The following DMD variants were observed in gnomAD, a reference collection of about 807,000 sequenced individuals.
DMD encodes the protein dystrophin, also known as mutant dystrophin.
DMD carries 63 observed loss-of-function variants against 330.1 expected under a neutral mutation model. The ratio of observed to expected loss-of-function variants is 0.19; its 90% CI spans 0.16 to 0.24. DMD has a LOEUF of 0.24. Among genes scored for constraint, DMD ranks in the 10% least tolerant of loss-of-function variants. The pLI, the probability that DMD is intolerant of heterozygous loss-of-function variation, is 1.00. For missense variants in DMD, 3,344 were observed against 2,684.1 expected (o/e 1.25, Z -5.43); for synonymous variants, 1,223 against 959.8 (o/e 1.27, Z -5.07).
chrX:31,124,225 C>T (rs973769984), intron 78 of DMD, among the ~76,000 whole-genome samples: 1 of 112,113 alleles, frequency 8.9e-6, no homozygotes, highest in Non-Finnish European at 1.9e-5. Context: ...TTTAGAGTCA[C>T]CTCATCATCT....
intron 7 of DMD, among the ~76,000 whole-genome samples, chrX:32,703,463 T>G (rs2064320285): frequency 8.9e-6 from 1 of 111,950 alleles, no homozygotes; most frequent in Admixed American, 9.5e-5. Flanking sequence ...AAGAATTTAC[T>G]TAGAAGGAAA....
chrX:32,500,311 T>C (rs2148682033), intron 19 of DMD, among the ~76,000 whole-genome samples: 1 of 111,996 alleles, frequency 8.9e-6, no homozygotes, highest in East Asian at 2.8e-4. Context: ...CTGACTTTTC[T>C]ACATGCCTCC....
intron 6 of DMD, among the ~76,000 whole-genome samples, chrX:32,815,536 C>CACACACAT (rs1381030960): frequency 5.5e-4 from 53 of 97,065 alleles, no homozygotes; most frequent in Non-Finnish European, 7.2e-4. Flanking sequence ...CACACACACA[C>CACACACAT]ATATATATAC....
chrX:32,328,692 A>C (rs1377503893), intron 41 of DMD, among the ~76,000 whole-genome samples: 1 of 109,494 alleles, frequency 9.1e-6, no homozygotes, highest in East Asian at 2.8e-4. Flanking sequence ...AACATTACAA[A>C]AAAAAAAAAC....
intron 62 of DMD, among the ~76,000 whole-genome samples, chrX:31,282,444 G>T (rs759356583): frequency 9.1e-6 from 1 of 110,353 alleles, no homozygotes; most frequent in Non-Finnish European, 1.9e-5. Context: ...TGCTATAAAT[G>T]AACACTTTAC....
intron 42 of DMD, among the ~76,000 whole-genome samples, chrX:32,290,068 C>T (rs1443732318): frequency 8.9e-6 from 1 of 111,776 alleles, no homozygotes; most frequent in Non-Finnish European, 1.9e-5. Flanking sequence ...CTTCATAGTC[C>T]ACAACACTTC....
intron 55 of DMD, among the ~76,000 whole-genome samples, chrX:31,613,037 G>A (rs2078009688): frequency 8.9e-6 from 1 of 112,145 alleles, no homozygotes. Flanking sequence ...AGGAGAGAAA[G>A]GGTATTCTGA....
chrX:31,351,746 C>CAAAAAAAAAAAAAAAAAAAAAAAAA (rs1300313892), intron 60 of DMD, among the ~76,000 whole-genome samples: 6 of 71,550 alleles, frequency 8.4e-5, no homozygotes, highest in African/African-American at 3.4e-4. Flanking sequence ...AAAAAAAAAG[C>CAAAAAAAAAAAAAAAAAAAAAAAAA]AAAAAAGGAG....
chrX:31,890,370 AAG>A lies in DMD; in HGVS notation c.6913-14999_6913-14998del, dbSNP rs1556975981. On this transcript the variant is annotated intron_variant, in intron 47 of 78. Transcript: ENST00000357033. ...TCAAAAAAAACAAAACAAAAAAAAAAAGAAGAAGAAAGAAAGAAAGAAAAAAG... is the reference window on the plus strand; with the variant it reads ...TCAAAAAAAACAAAACAAAAAAAAAAAAGAAGAAAGAAAGAAAGAAAAAAG... Among the ~76,000 whole-genome samples the A allele has an allele frequency of 4.4e-4, 47 of 106,319 alleles. 1 individual carries two copies. The highest frequency in any genetic ancestry group is 2.7e-3 in the Admixed American group (26 of 9,684). 92.3% of individuals were successfully genotyped at this position (106,319 alleles called of 115,157 possible). A position where few individuals can be genotyped will look rare whatever the true frequency, so the allele number is the denominator to read the frequency against.
chrX:32,551,318 G>A (rs1016925963), intron 16 of DMD, among the ~76,000 whole-genome samples: 2 of 111,151 alleles, frequency 1.8e-5, no homozygotes, highest in Non-Finnish European at 3.8e-5. Context: ...CCAGGGTTGC[G>A]AGGTTGATTC....
At chrX:32,185,371 A>G (rs1338734109) in intron 44 of DMD, among the ~76,000 whole-genome samples, 3 of 111,132 alleles carry the variant, frequency 2.7e-5, no homozygotes, top group Admixed American at 9.6e-5. Context: ...TTTCTTCACA[A>G]TAACTCCCAG....
chrX:32,319,415 G>C (rs181847098), intron 41 of DMD, among the ~76,000 whole-genome samples: 105 of 111,594 alleles, frequency 9.4e-4, no homozygotes, highest in African/African-American at 3.3e-3. Context: ...AAAAATATTT[G>C]TTGGATAAAT....
intron 70 of DMD, chrX:31,178,271 C>G (rs2040761181): frequency 2.7e-6 from 2 of 749,511 alleles, no homozygotes; most frequent in Admixed American, 8.8e-5. Flanking sequence ...TGAGTAGAAA[C>G]AAGTGACTAG....
chrX:32,883,824 A>C (rs1434383797), intron 2 of DMD, among the ~76,000 whole-genome samples: 132 of 29,772 alleles, frequency 4.4e-3, no homozygotes, highest in African/African-American at 0.016. Context: ...ACTCTGTTTC[A>C]AAAAAAAAAA....
intron 67 of DMD, among the ~76,000 whole-genome samples, chrX:31,184,418 C>T (rs778987088): frequency 9.5e-6 from 1 of 105,059 alleles, no homozygotes; most frequent in Non-Finnish European, 1.9e-5. Context: ...AATGAGATAC[C>T]ATCTCACACC....
intron 4 of DMD, among the ~76,000 whole-genome samples, chrX:32,840,343 T>C (rs1041065673): frequency 2.7e-5 from 3 of 112,327 alleles, no homozygotes; most frequent in African/African-American, 9.7e-5. Context: ...TCACTTATAT[T>C]CATTTAATAA....
At chrX:32,522,715 T>C (rs1431432643) in intron 17 of DMD, among the ~76,000 whole-genome samples, 3 of 112,279 alleles carry the variant, frequency 2.7e-5, no homozygotes, top group Admixed American at 9.4e-5. Flanking sequence ...CAAATTTCGC[T>C]TCATATTTTC....
rs1601838959 is a variant in DMD, at chrX:31,319,731, C to G, written c.9224+3867G>C. ...ATTTCTTATGCTTTTATTATGACAT[C>G]TATACTGGAACATCCTGCATGCATG... is the stretch of plus-strand genomic sequence containing the variant. On this transcript the variant is annotated intron_variant, in intron 62 of 78. Transcript: ENST00000357033. 2.7e-5 allele frequency among the ~76,000 whole-genome samples: 3 copies of G among 112,506 alleles called. No homozygotes were observed. In the Middle Eastern group the frequency reaches 0.014, roughly 521 times the overall value.
intron 9 of DMD, among the ~76,000 whole-genome samples, chrX:32,690,757 A>G (rs974706572): frequency 1.8e-5 from 2 of 110,823 alleles, no homozygotes; most frequent in African/African-American, 6.7e-5. Flanking sequence ...TAATCTCTTC[A>G]ACAAATGGTG....
Sources: allele counts gnomAD v4.1 joint callset (sites outside exome capture counted in the v4.1 genomes callset), GRCh38; gene constraint gnomAD v4.1.1; transcripts MANE v1.5; gene names NCBI Gene and HGNC (gene_info 2026-07-23, HGNC 2026-07-21).